The following DSC3 variants were observed in gnomAD, a reference collection of about 807,000 sequenced individuals.
DSC3 encodes desmocollin-3.
DSC3 carries 97 observed loss-of-function variants against 89.5 expected under a neutral mutation model. The observed-to-expected ratio is 1.08, with a 90% CI of 0.92 to 1.28. The LOEUF (loss-of-function observed/expected upper bound fraction) is 1.28. Among genes scored for constraint, DSC3 ranks in the 50% most tolerant of loss-of-function variants. The pLI, the probability that DSC3 is intolerant of heterozygous loss-of-function variation, is 0.00. For missense variants in DSC3, 1,199 were observed against 1,085.3 expected (o/e 1.10, Z -1.47); for synonymous variants, 436 against 384.1 (o/e 1.14, Z -1.58).
At chr18:31,038,972 G>T (rs1389151782) in intron 1 of DSC3, among the ~76,000 whole-genome samples, 1 of 152,014 alleles carries the variant, frequency 6.6e-6, no homozygotes, top group Non-Finnish European at 1.5e-5. Context: ...ATGTTTTTGT[G>T]AGGTTTGGAT....
intron 5 of DSC3, among the ~76,000 whole-genome samples, chr18:31,024,892 C>G (rs1348056838): frequency 6.6e-6 from 1 of 152,168 alleles, no homozygotes; most frequent in South Asian, 2.1e-4. Context: ...TTGTCACTAT[C>G]AAACCCTGTT....
At chr18:31,031,494 C>G (rs114393445) in intron 2 of DSC3, among the ~76,000 whole-genome samples, 1 of 151,992 alleles carries the variant, frequency 6.6e-6, no homozygotes, top group African/African-American at 2.4e-5. Context: ...GCAACATGCC[C>G]CCAACACACC....
At chr18:31,032,539 A>T (rs796405262) in intron 1 of DSC3, among the ~76,000 whole-genome samples, 55 of 143,116 alleles carry the variant, frequency 3.8e-4, no homozygotes, top group African/African-American at 1.3e-3. Context: ...CTCTGCTCTA[A>T]CTGCTTCTGT....
intron 11 of DSC3, 132 bp downstream of exon 11, chr18:31,007,884 G>A (rs532098979): frequency 2.4e-6 from 2 of 846,956 alleles, no homozygotes; most frequent in East Asian, 5.3e-5. Flanking sequence ...ATAATTAAGA[G>A]AGACAGAAAG....
At position 30,989,639 on chromosome 18, in the gene DSC3, T is replaced by A. The variant is rs1221155541; in HGVS notation, c.*4536A>T. Among the ~76,000 whole-genome samples the A allele has an allele frequency of 6.6e-6, 1 of 152,200 alleles. No individual in the cohort carries two copies. ...AGCCATGTTTTATGAATTTTACCAT[T>A]TTTTAAGTAAAGGGAAAAGAAGGTT... On this transcript the variant is annotated 3_prime_UTR_variant, in exon 16 of 16. Transcript: ENST00000360428.
rs147902848 is a variant in DSC3 at position 30,990,914 on chromosome 18, C to T, written c.*3261G>A. 2.0e-3 allele frequency: 302 copies of T among 152,052 alleles called. 1 individual carries two copies. The highest frequency in any genetic ancestry group is 6.7e-3 in the African/African-American group (278 of 41,456). The allele number at this position is 152,052 out of a possible 1,614,324, so 9.4% of individuals were successfully genotyped here. A position where few individuals can be genotyped will look rare whatever the true frequency, so the allele number is the denominator to read the frequency against. On this transcript the variant is annotated 3_prime_UTR_variant, in exon 16 of 16. Transcript: ENST00000360428. ...ACATTACAATATATATTAATGATGT[C>T]GACAATTTGATAATGAAACATTGTC...
chr18:31,004,755 A>G (rs1373140310), intron 12 of DSC3, among the ~76,000 whole-genome samples: 1 of 152,170 alleles, frequency 6.6e-6, no homozygotes, highest in Non-Finnish European at 1.5e-5. Flanking sequence ...TTGACCTTCT[A>G]GTATTTGCGC....
At chr18:31,019,340 C>T (rs892474604) in intron 7 of DSC3, among the ~76,000 whole-genome samples, 3 of 152,112 alleles carry the variant, frequency 2.0e-5, no homozygotes, top group South Asian at 2.1e-4. Flanking sequence ...TCACCCGCCT[C>T]GGGCTCCCAA....
At chr18:31,027,915 G>A (rs1200519518) in intron 4 of DSC3, among the ~76,000 whole-genome samples, 1 of 152,048 alleles carries the variant, frequency 6.6e-6, no homozygotes, top group Non-Finnish European at 1.5e-5. Context: ...ACACTCCAAT[G>A]CCCAGAGAGT....
At chr18:31,006,842 G>T in intron 12 of DSC3, 65 bp downstream of exon 12, 2 of 1,305,592 alleles carry the variant, frequency 1.5e-6, no homozygotes, top group Non-Finnish European at 2.2e-6. Context: ...AAGTAAGCAA[G>T]TCAATCTATC....
intron 1 of DSC3, among the ~76,000 whole-genome samples, chr18:31,041,403 A>C (rs914615356): frequency 6.6e-6 from 1 of 152,234 alleles, no homozygotes; most frequent in Non-Finnish European, 1.5e-5. Flanking sequence ...TTCCTTCTCC[A>C]TAAACATATC....
chr18:31,007,452 C>A (rs1004202454), intron 11 of DSC3, among the ~76,000 whole-genome samples: 6 of 152,054 alleles, frequency 3.9e-5, no homozygotes, highest in Non-Finnish European at 8.8e-5. Flanking sequence ...AAAGTGGTTA[C>A]AGATAAGATT....
At chr18:31,001,539 C>A in intron 14 of DSC3, 79 bp downstream of exon 14, 1 of 1,509,178 alleles carries the variant, frequency 6.6e-7, no homozygotes, top group Non-Finnish European at 9.0e-7. Context: ...TAAATTAACT[C>A]CTAAATTTTG....
At chr18:31,025,709 A>C in intron 5 of DSC3, 51 bp downstream of exon 5, 1 of 1,572,442 alleles carries the variant, frequency 6.4e-7, no homozygotes, top group Non-Finnish European at 8.7e-7. Context: ...TAAGCATCAG[A>C]AGAAACATAG....
chr18:30,998,696 C>A (rs1984555881), intron 14 of DSC3, among the ~76,000 whole-genome samples: 1 of 152,084 alleles, frequency 6.6e-6, no homozygotes, highest in African/African-American at 2.4e-5. Context: ...TGAATAGCCA[C>A]TGAGATAACA....
chr18:31,001,816 C>T, intron 13 of DSC3, 77 bp from the exon 14 acceptor site: 1 of 1,207,130 alleles, frequency 8.3e-7, no homozygotes, highest in Non-Finnish European at 1.1e-6. Context: ...TTTCTTACGA[C>T]CTAAGGATCA....
chr18:31,038,645 G>T (rs1279152684), intron 1 of DSC3, among the ~76,000 whole-genome samples: 1 of 151,870 alleles, frequency 6.6e-6, no homozygotes, highest in African/African-American at 2.4e-5. Flanking sequence ...ACCCTCTATT[G>T]CTCATTTCTT....
chr18:30,991,980 A>G lies in DSC3; in HGVS notation c.*2195T>C, dbSNP rs2144663840. The G allele has an allele frequency of 6.6e-6, 1 of 152,234 alleles. No individual in the cohort carries two copies. Among genetic ancestry groups the G allele is most frequent in the South Asian group, 2.1e-4 (1 of 4,810 alleles). 9.4% of individuals were successfully genotyped at this position (152,234 alleles called of 1,614,324 possible). On this transcript the variant is annotated 3_prime_UTR_variant, in exon 16 of 16. Coordinates refer to ENST00000360428, the MANE Select transcript of DSC3 (RefSeq NM_001941.5). Reference sequence around the variant, plus strand: ...GGAGATCGAGACCATCCTGGCTAACACAGTGAAACCCCGTCTCTATTAAAA... The same window carrying G: ...GGAGATCGAGACCATCCTGGCTAACGCAGTGAAACCCCGTCTCTATTAAAA...
At position 31,001,702 on chromosome 18, in the gene DSC3, T is replaced by G. The variant is rs766015729; in HGVS notation, c.2151A>C (p.Ala717=). The change falls in exon 14 of 16, where the codon GCA becomes GCC. Residue 717 remains alanine, a synonymous_variant. Transcript: ENST00000360428. The stretch of plus-strand genomic sequence containing the variant: ...CTTCAGGAAAACGTTTCCCTTTAGT[T>G]GCACCAAAAACTCCACATACTAAAG... ...LLTLVCGVFG[A]TKGKRFPEDL... is the part of the protein sequence containing the mutation. 5 of 1,609,664 alleles carry G rather than the reference T, an allele frequency of 3.1e-6. No individual in the cohort carries two copies. The Admixed American group carries it at 8.4e-5, about 27-fold the overall frequency.
Sources: gnomAD v4.1 joint callset for allele counts (sites outside exome capture counted in the v4.1 genomes callset) on GRCh38, gnomAD v4.1.1 for gene constraint, MANE v1.5 for transcripts, NCBI Gene and HGNC (gene_info 2026-07-23, HGNC 2026-07-21) for gene names.